ZC3H12B: variants seen among roughly 807,000 people sequenced by gnomAD.
ZC3H12B encodes probable ribonuclease ZC3H12B.
Under a neutral mutation model 43.9 loss-of-function variants are expected in ZC3H12B, and 7 were observed. That is an observed-to-expected ratio of 0.16 (90% confidence interval 0.09 to 0.30). ZC3H12B has a LOEUF of 0.30. Ranked by LOEUF, ZC3H12B falls within the 10% of genes least tolerant of loss-of-function variation. The pLI is 1.00. For synonymous variants in ZC3H12B, 222 were observed against 241.7 expected (o/e 0.92, Z 0.76); for missense variants, 475 against 670.2 (o/e 0.71, Z 3.22).
chrX:65,227,659 G>T, the ZC3H12B span, among the ~76,000 whole-genome samples: 7 of 111,148 alleles, frequency 6.3e-5, no homozygotes, highest in African/African-American at 2.3e-4. Flanking sequence ...GAAGAAAAGA[G>T]AGAAGAATCA....
chrX:65,073,022 G>A, the ZC3H12B span, among the ~76,000 whole-genome samples: 1 of 112,398 alleles, frequency 8.9e-6, no homozygotes. Flanking sequence ...TGTTTTCTGA[G>A]CCTAGTTTCA....
intron 3 of ZC3H12B, among the ~76,000 whole-genome samples, chrX:65,427,395 C>T (rs1159650959): frequency 9.0e-6 from 1 of 110,695 alleles, no homozygotes; most frequent in African/African-American, 3.3e-5. Context: ...GTGGTATAAT[C>T]TTGTTTTACT....
the ZC3H12B span, among the ~76,000 whole-genome samples, chrX:65,262,368 T>C: frequency 9.0e-6 from 1 of 110,911 alleles, no homozygotes; most frequent in Non-Finnish European, 1.9e-5. Flanking sequence ...ATCATTCATG[T>C]TCCCAAATAA....
the ZC3H12B span, among the ~76,000 whole-genome samples, chrX:65,172,093 G>A: frequency 2.0e-4 from 23 of 112,435 alleles, no homozygotes; most frequent in South Asian, 1.5e-3. Flanking sequence ...GAAATCACTC[G>A]TCTTCTGTGT....
chrX:65,476,574 T>C (rs966506973), intron 3 of ZC3H12B, among the ~76,000 whole-genome samples: 1 of 111,666 alleles, frequency 9.0e-6, no homozygotes, highest in Non-Finnish European at 1.9e-5. Context: ...TGAAGATTCC[T>C]GGAAAAAGGT....
chrX:65,228,639 T>G, the ZC3H12B span, among the ~76,000 whole-genome samples: 1 of 111,963 alleles, frequency 8.9e-6, no homozygotes, highest in Non-Finnish European at 1.9e-5. Flanking sequence ...AAAACCCGAT[T>G]GTCTCAGCCC....
chrX:65,321,486 G>C, the ZC3H12B span, among the ~76,000 whole-genome samples: 2 of 111,728 alleles, frequency 1.8e-5, no homozygotes, highest in East Asian at 5.6e-4. Flanking sequence ...GCAGTAAACA[G>C]TGTGGCGATT....
intron 2 of ZC3H12B, among the ~76,000 whole-genome samples, chrX:65,390,106 G>A (rs993428753): frequency 2.7e-5 from 3 of 111,602 alleles, no homozygotes; most frequent in South Asian, 7.5e-4. Flanking sequence ...GTCCTTTGTA[G>A]GGACATGGAT....
At chrX:65,198,931 A>T in the ZC3H12B span, among the ~76,000 whole-genome samples, 3 of 111,216 alleles carry the variant, frequency 2.7e-5, no homozygotes, top group Admixed American at 9.7e-5. Context: ...GGTTCAAACG[A>T]TTCTTATGCC....
the ZC3H12B span, among the ~76,000 whole-genome samples, chrX:65,152,238 T>G: frequency 3.6e-5 from 4 of 111,383 alleles, no homozygotes; most frequent in South Asian, 3.8e-4. Flanking sequence ...CCAGGGCAAT[T>G]AGGCAGGAGA....
chrX:65,278,198 G>A, the ZC3H12B span, among the ~76,000 whole-genome samples: 2 of 111,548 alleles, frequency 1.8e-5, no homozygotes, highest in Non-Finnish European at 3.8e-5. Context: ...ATAAACTCCT[G>A]GACACGTACA....
the ZC3H12B span, among the ~76,000 whole-genome samples, chrX:65,224,678 G>A: frequency 8.9e-5 from 10 of 111,994 alleles, no homozygotes; most frequent in Non-Finnish European, 1.9e-4. Flanking sequence ...CCCTGATACT[G>A]CACTTTTCCG....
the ZC3H12B span, among the ~76,000 whole-genome samples, chrX:65,309,398 G>T: frequency 3.6e-5 from 4 of 111,955 alleles, no homozygotes; most frequent in Non-Finnish European, 7.5e-5. Flanking sequence ...AAATCTAGAA[G>T]AAATGGATAA....
chrX:65,211,372 A>C, the ZC3H12B span, among the ~76,000 whole-genome samples: 1 of 109,080 alleles, frequency 9.2e-6, no homozygotes, highest in Non-Finnish European at 1.9e-5. Flanking sequence ...AAATAACATA[A>C]AAAACCAAAG....
the ZC3H12B span, among the ~76,000 whole-genome samples, chrX:65,064,751 C>T: frequency 9.0e-6 from 1 of 111,708 alleles, no homozygotes; most frequent in Non-Finnish European, 1.9e-5. Context: ...ATGTTAAAGT[C>T]TCCCACTATT....
chrX:65,270,067 T>C, the ZC3H12B span, among the ~76,000 whole-genome samples: 2 of 109,619 alleles, frequency 1.8e-5, no homozygotes, highest in Admixed American at 1.9e-4. Flanking sequence ...AATCCCTGAA[T>C]AACCAAGAGA....
the ZC3H12B span, among the ~76,000 whole-genome samples, chrX:65,178,571 AAAAC>A: frequency 9.8e-5 from 11 of 112,333 alleles, no homozygotes; most frequent in African/African-American, 3.6e-4. Flanking sequence ...TTAGAAGAAA[AAAAC>A]AACCTTATCA....
chrX:65,439,882 C>A, intron 3 of ZC3H12B, among the ~76,000 whole-genome samples: 1 of 109,720 alleles, frequency 9.1e-6, no homozygotes, highest in East Asian at 2.9e-4. Flanking sequence ...AACTGGGGAT[C>A]CTTCCGGAGT....
the ZC3H12B span, among the ~76,000 whole-genome samples, chrX:65,221,517 C>T: frequency 9.0e-6 from 1 of 110,935 alleles, no homozygotes; most frequent in East Asian, 2.8e-4. Context: ...ATAATACAAC[C>T]AATATCACAG....
Sources: allele counts gnomAD v4.1 joint callset (sites outside exome capture counted in the v4.1 genomes callset), GRCh38; gene constraint gnomAD v4.1.1; transcripts MANE v1.5; gene names NCBI Gene and HGNC (gene_info 2026-07-23, HGNC 2026-07-21).